The following DLG2 variants were observed in gnomAD, a reference collection of about 807,000 sequenced individuals.
DLG2 encodes disks large homolog 2.
In DLG2, 45 loss-of-function variants were observed where a neutral mutation model predicts 132.5. The observed-to-expected ratio is 0.34, with a 90% CI of 0.27 to 0.44. The LOEUF is 0.44. DLG2 is among the 20% of genes least tolerant of loss of function. The pLI is 1.00. For synonymous variants in DLG2, 424 were observed against 419.6 expected, an observed-to-expected ratio of 1.01 and a Z score of -0.13; for missense variants, 1,045 against 1,196.9, an observed-to-expected ratio of 0.87 and a Z score of 1.87.
At chr11:84,927,852 G>C (rs888832141) in intron 6 of DLG2, among the ~76,000 whole-genome samples, 1 of 151,948 alleles carries the variant, frequency 6.6e-6, no homozygotes, top group African/African-American at 2.4e-5. Flanking sequence ...AGGTGCATCA[G>C]TGTATGTTAG....
At chr11:85,261,442 T>C (rs1192070836) in intron 4 of DLG2, among the ~76,000 whole-genome samples, 1 of 149,584 alleles carries the variant, frequency 6.7e-6, no homozygotes. Flanking sequence ...AGGGTGGAGG[T>C]CTCAACTTCC....
At chr11:84,418,537 T>A (rs963217829) in intron 7 of DLG2, among the ~76,000 whole-genome samples, 4 of 152,350 alleles carry the variant, frequency 2.6e-5, no homozygotes, top group African/African-American at 7.2e-5. Flanking sequence ...GTCCTGAGTT[T>A]GAAATCCTGG....
intron 6 of DLG2, among the ~76,000 whole-genome samples, chr11:85,072,511 T>C (rs2066000315): frequency 6.6e-6 from 1 of 151,832 alleles, no homozygotes; most frequent in South Asian, 2.1e-4. Context: ...ATTTCTTAAG[T>C]ATTGATGATA....
At chr11:83,729,521 T>C (rs2090605712) in intron 18 of DLG2, among the ~76,000 whole-genome samples, 1 of 152,186 alleles carries the variant, frequency 6.6e-6, no homozygotes, top group African/African-American at 2.4e-5. Flanking sequence ...ATCATGAGCC[T>C]GGAGATAGTA....
At position 83,600,047 on chromosome 11, in the gene DLG2, A is replaced by C. The variant is rs1430756812; in HGVS notation, c.1940+33164T>G. Among the ~76,000 whole-genome samples the C allele has an allele frequency of 3.9e-5, 6 of 152,144 alleles. 1 individual carries two copies. In the South Asian group the frequency reaches 1.0e-3, roughly 26 times the overall value. On this transcript the variant is annotated intron_variant, in intron 19 of 27. Transcript: ENST00000376104. ...ATCTGATGTGATTGACATTTATTGA[A>C]ACCCTCCCTAATGTCCCAGGTTCTG... is the stretch of plus-strand genomic sequence containing the variant.
At position 83,915,369 on chromosome 11, in the gene DLG2, A is replaced by G. The variant is rs971550034; in HGVS notation, c.1496+14959T>C. Reference sequence around the variant, plus strand: ...AATGGAATGATGATTGTAGTGTAGCAAAAGCAAACAAAACTAGGTTGAAAT... The same window carrying G: ...AATGGAATGATGATTGTAGTGTAGCGAAAGCAAACAAAACTAGGTTGAAAT... On this transcript the variant is annotated intron_variant, in intron 15 of 27. Coordinates refer to ENST00000376104, the MANE Select transcript of DLG2 (RefSeq NM_001142699.3). Among the ~76,000 whole-genome samples the G allele has an allele frequency of 3.9e-5, 6 of 152,310 alleles. No individual in the cohort carries two copies. In the East Asian group the frequency reaches 9.6e-4, roughly 24 times the overall value.
chr11:84,611,884 G>T (rs190233725), intron 6 of DLG2, among the ~76,000 whole-genome samples: 1 of 152,236 alleles, frequency 6.6e-6, no homozygotes, highest in East Asian at 1.9e-4. Context: ...TAAAAATAAT[G>T]ATGCAATGGA....
At chr11:84,965,312 AG>A (rs2053168367) in intron 6 of DLG2, among the ~76,000 whole-genome samples, 1 of 151,970 alleles carries the variant, frequency 6.6e-6, no homozygotes, top group Non-Finnish European at 1.5e-5. Context: ...TTTAAACTTT[AG>A]AAAAAAATTA....
intron 3 of DLG2, among the ~76,000 whole-genome samples, chr11:85,507,481 G>T (rs2093961763): frequency 6.6e-6 from 1 of 152,122 alleles, no homozygotes; most frequent in Non-Finnish European, 1.5e-5. Flanking sequence ...GCTTAGTTTG[G>T]TTGGATATGA....
intron 7 of DLG2, among the ~76,000 whole-genome samples, chr11:84,397,723 CCA>C (rs2098815727): frequency 2.0e-5 from 3 of 152,194 alleles, no homozygotes; most frequent in Non-Finnish European, 2.9e-5. Flanking sequence ...TGTTGTGTTA[CCA>C]CAGTTAGCTT....
At chr11:84,740,518 C>G (rs1250718675) in intron 6 of DLG2, among the ~76,000 whole-genome samples, 1 of 151,970 alleles carries the variant, frequency 6.6e-6, no homozygotes, top group Non-Finnish European at 1.5e-5. Flanking sequence ...GGCCAAGCTG[C>G]AGCAATACAG....
At chr11:83,625,873 C>T (rs748816444) in intron 19 of DLG2, among the ~76,000 whole-genome samples, 10 of 152,164 alleles carry the variant, frequency 6.6e-5, no homozygotes, top group Non-Finnish European at 1.2e-4. Context: ...CAACCAGACT[C>T]GATGCACTTG....
intron 6 of DLG2, among the ~76,000 whole-genome samples, chr11:84,805,429 T>G (rs1246250265): frequency 6.6e-6 from 1 of 152,104 alleles, no homozygotes; most frequent in Non-Finnish European, 1.5e-5. Flanking sequence ...ATCGTTTAGA[T>G]CTGCGTCTCC....
chr11:85,145,910 G>C (rs1594813457), intron 5 of DLG2, among the ~76,000 whole-genome samples: 2 of 151,984 alleles, frequency 1.3e-5, no homozygotes, highest in African/African-American at 4.8e-5. Context: ...TTAATATCTG[G>C]GTATTTAGAA....
At chr11:83,943,793 A>G (rs772486385) in intron 14 of DLG2, among the ~76,000 whole-genome samples, 1 of 152,212 alleles carries the variant, frequency 6.6e-6, no homozygotes, top group African/African-American at 2.4e-5. Context: ...GGCTATGAAC[A>G]TGGTGGAAAG....
At chr11:84,515,929 G>C (rs1418325557) in intron 7 of DLG2, among the ~76,000 whole-genome samples, 2 of 151,610 alleles carry the variant, frequency 1.3e-5, no homozygotes, top group Non-Finnish European at 3.0e-5. Flanking sequence ...TCAATAATGG[G>C]AGAAACTTTG....
intron 6 of DLG2, among the ~76,000 whole-genome samples, chr11:84,970,375 C>A (rs2053929269): frequency 6.6e-6 from 1 of 152,142 alleles, no homozygotes; most frequent in African/African-American, 2.4e-5. Flanking sequence ...ATCTGCCATT[C>A]ATTCATTCAG....
intron 7 of DLG2, among the ~76,000 whole-genome samples, chr11:84,389,942 A>G (rs1483409902): frequency 6.6e-6 from 1 of 152,178 alleles, no homozygotes; most frequent in Non-Finnish European, 1.5e-5. Flanking sequence ...TGCTAACAAC[A>G]GTTATTCCAA....
chr11:84,641,248 T>C (rs1298207670), intron 6 of DLG2, among the ~76,000 whole-genome samples: 2 of 152,176 alleles, frequency 1.3e-5, no homozygotes, highest in South Asian at 2.1e-4. Context: ...CTTCACTATA[T>C]ATAAAGTGAA....
Sources: gnomAD v4.1 joint callset for allele counts (sites outside exome capture counted in the v4.1 genomes callset) on GRCh38, gnomAD v4.1.1 for gene constraint, MANE v1.5 for transcripts, NCBI Gene and HGNC (gene_info 2026-07-23, HGNC 2026-07-21) for gene names.